The following COL19A1 variants were observed in gnomAD, a reference collection of about 807,000 sequenced individuals.
The protein encoded by COL19A1 is collagen type XIX alpha 1 chain, also known as collagen alpha-1(XIX) chain.
COL19A1 carries 159 observed loss-of-function variants against 190.2 expected under a neutral mutation model. The observed-to-expected ratio is 0.84, with a 90% confidence interval of 0.73 to 0.95. COL19A1 has a LOEUF of 0.95. COL19A1 is among the 40% of genes least tolerant of loss of function. The pLI is 0.00. For missense variants in COL19A1, 1,418 were observed against 1,431.9 expected, an observed-to-expected ratio of 0.99 and a Z score of 0.16; for synonymous variants, 509 against 458.9, an observed-to-expected ratio of 1.11 and a Z score of -1.39.
chr6:70,143,509 T>G (rs1197343065), intron 23 of COL19A1, among the ~76,000 whole-genome samples: 1 of 152,106 alleles, frequency 6.6e-6, no homozygotes, highest in East Asian at 1.9e-4. Context: ...TGACTATGAT[T>G]AGAGTTCCCT....
chr6:70,165,216 G>A (rs930777828), intron 36 of COL19A1, among the ~76,000 whole-genome samples: 1 of 152,156 alleles, frequency 6.6e-6, no homozygotes, highest in African/African-American at 2.4e-5. Flanking sequence ...ATTATGGACC[G>A]ATAAACATCT....
At chr6:69,909,689 A>G (rs190713353) in intron 4 of COL19A1, among the ~76,000 whole-genome samples, 2 of 152,244 alleles carry the variant, frequency 1.3e-5, no homozygotes, top group East Asian at 3.9e-4. Flanking sequence ...CCAAGGTGGC[A>G]GGCAGTTTGA....
intron 4 of COL19A1, among the ~76,000 whole-genome samples, chr6:69,901,586 G>C (rs1215211689): frequency 6.6e-6 from 1 of 152,200 alleles, no homozygotes; most frequent in Admixed American, 6.5e-5. Context: ...CTCATAAGTA[G>C]GCATTAAATT....
chr6:69,976,240 G>A (rs1163401921), intron 11 of COL19A1, among the ~76,000 whole-genome samples: 1 of 152,000 alleles, frequency 6.6e-6, no homozygotes, highest in African/African-American at 2.4e-5. Flanking sequence ...CTATCTTAAC[G>A]TCTGTCTTGG....
intron 15 of COL19A1, among the ~76,000 whole-genome samples, chr6:70,090,053 C>T (rs1185809028): frequency 6.6e-6 from 1 of 152,036 alleles, no homozygotes; most frequent in African/African-American, 2.4e-5. Context: ...TGGCACATAC[C>T]TGTAGTCCCA....
rs943065514 is a variant in COL19A1, at chr6:70,023,657, C to T, written c.1057C>T (p.Leu353=). ...GEQGEKGDPA[L]AGLNGENGLK... is the part of the protein sequence containing the mutation. ...ACAAGGAGAAAAAGGAGATCCAGCT[C>T]TGGCTGGCCTTAATGGAGAAAATGT... The change falls in exon 12 of 51, where the codon CTG becomes TTG. Residue 353 remains leucine, a synonymous_variant. Coordinates refer to ENST00000620364, the MANE Select transcript of COL19A1 (RefSeq NM_001858.6). 2 of 1,610,938 alleles carry T rather than the reference C, an allele frequency of 1.2e-6. No homozygotes were observed. The highest frequency in any genetic ancestry group is 1.7e-6 in the Non-Finnish European group (2 of 1,179,234).
At chr6:70,055,901 T>C (rs1489684753) in intron 14 of COL19A1, among the ~76,000 whole-genome samples, 1 of 152,158 alleles carries the variant, frequency 6.6e-6, no homozygotes, top group African/African-American at 2.4e-5. Flanking sequence ...GGTTTGTTTT[T>C]TTTCTGGCAT....
At chr6:70,140,840 G>T in intron 19 of COL19A1, 114 bp from the exon 20 acceptor site, 2 of 875,470 alleles carry the variant, frequency 2.3e-6, no homozygotes, top group Non-Finnish European at 3.8e-6. Context: ...GGGTATTTTT[G>T]GAGGTCTGTT....
At chr6:70,029,346 T>C (rs958545524) in intron 12 of COL19A1, among the ~76,000 whole-genome samples, 1 of 152,204 alleles carries the variant, frequency 6.6e-6, no homozygotes, top group African/African-American at 2.4e-5. Flanking sequence ...ATTCTAGTTA[T>C]AATACTGCTC....
intron 12 of COL19A1, among the ~76,000 whole-genome samples, chr6:70,025,383 C>T (rs1778679953): frequency 6.6e-6 from 1 of 152,166 alleles, no homozygotes; most frequent in Non-Finnish European, 1.5e-5. Context: ...TGATTTTATG[C>T]AAAGAGTTAT....
At chr6:70,002,118 A>C (rs557379334) in intron 11 of COL19A1, among the ~76,000 whole-genome samples, 2 of 152,166 alleles carry the variant, frequency 1.3e-5, no homozygotes, top group African/African-American at 2.4e-5. Flanking sequence ...ATATATAGAG[A>C]TAATCATGTG....
intron 14 of COL19A1, among the ~76,000 whole-genome samples, 191 bp downstream of exon 14, chr6:70,036,130 G>A (rs548938116): frequency 1.3e-5 from 2 of 152,256 alleles, no homozygotes; most frequent in South Asian, 2.1e-4. Flanking sequence ...CTGACCCAAG[G>A]TCATACAGGT....
intron 14 of COL19A1, among the ~76,000 whole-genome samples, chr6:70,061,827 G>A (rs908149682): frequency 6.6e-6 from 1 of 152,036 alleles, no homozygotes; most frequent in Non-Finnish European, 1.5e-5. Context: ...CTAGAGCCAA[G>A]ATCGTGTCAG....
chr6:70,018,923 C>T (rs947477926), intron 11 of COL19A1, among the ~76,000 whole-genome samples: 4 of 152,030 alleles, frequency 2.6e-5, no homozygotes, highest in African/African-American at 9.7e-5. Flanking sequence ...TCCAGGATAC[C>T]TTGCCAGGGC....
intron 14 of COL19A1, among the ~76,000 whole-genome samples, chr6:70,060,786 T>G (rs1582809200): frequency 6.6e-6 from 1 of 152,254 alleles, no homozygotes; most frequent in East Asian, 1.9e-4. Flanking sequence ...AGAAATAAAG[T>G]GCACAAAAAA....
intron 37 of COL19A1, among the ~76,000 whole-genome samples, chr6:70,166,596 A>C (rs948369584): frequency 6.6e-6 from 1 of 152,226 alleles, no homozygotes; most frequent in Non-Finnish European, 1.5e-5. Context: ...CCGAGCTGAG[A>C]TATCACGCAA....
At chr6:70,130,502 A>G (rs1785457639) in intron 18 of COL19A1, among the ~76,000 whole-genome samples, 1 of 152,272 alleles carries the variant, frequency 6.6e-6, no homozygotes, top group South Asian at 2.1e-4. Context: ...ATGGGATTAC[A>G]GGCTTGAGCC....
intron 35 of COL19A1, among the ~76,000 whole-genome samples, chr6:70,162,307 AT>A (rs1787858893): frequency 1.1e-5 from 1 of 92,784 alleles, no homozygotes; most frequent in African/African-American, 4.7e-5. Flanking sequence ...CTGAGAATTT[AT>A]TTTCTAAAGG....
At chr6:69,880,682 C>T (rs1768478415) in intron 2 of COL19A1, among the ~76,000 whole-genome samples, 1 of 152,102 alleles carries the variant, frequency 6.6e-6, no homozygotes, top group Non-Finnish European at 1.5e-5. Context: ...TAAAATAATT[C>T]ACATGAAAGT....
Sources: allele counts gnomAD v4.1 joint callset (sites outside exome capture counted in the v4.1 genomes callset), GRCh38; gene constraint gnomAD v4.1.1; transcripts MANE v1.5; gene names NCBI Gene and HGNC (gene_info 2026-07-23, HGNC 2026-07-21).